ZNF791: variants seen among roughly 807,000 people sequenced by gnomAD.
ZNF791 encodes the protein zinc finger protein 791.
A neutral mutation model predicts 11.5 loss-of-function variants in ZNF791; 4 were observed. The observed-to-expected ratio is 0.35, with a 90% CI of 0.17 to 0.80. The LOEUF (loss-of-function observed/expected upper bound fraction) is 0.80, where lower values mean the gene tolerates loss of function less well. Among genes scored for constraint, ZNF791 ranks in the 30% least tolerant of loss-of-function variants. ZNF791 has a pLI of 0.53. For missense variants in ZNF791, 559 were observed against 699.4 expected (o/e 0.80, Z 2.26); for synonymous variants, 212 against 228.1 (o/e 0.93, Z 0.64).
chr19:12,619,442 ATCTT>A (rs1454202230), intron 1 of ZNF791, among the ~76,000 whole-genome samples: 3 of 130,640 alleles, frequency 2.3e-5, no homozygotes, highest in Non-Finnish European at 4.8e-5. Flanking sequence ...CACTAATGTT[ATCTT>A]TTTTTTTTTT....
chr19:12,614,243 AT>A (rs955217020), intron 1 of ZNF791, among the ~76,000 whole-genome samples: 1 of 151,292 alleles, frequency 6.6e-6, no homozygotes, highest in African/African-American at 2.4e-5. Flanking sequence ...CTTTATTTTT[AT>A]TTTTTTTGAG....
intron 3 of ZNF791, 22 bp from the exon 4 acceptor site, chr19:12,627,699 C>A: frequency 6.3e-7 from 1 of 1,574,954 alleles, no homozygotes; most frequent in Non-Finnish European, 8.7e-7. Flanking sequence ...ACCAGTATTA[C>A]CGTGCTTCTA....
Position 12,633,336 on chromosome 19 carries a change from G to T in ZNF791, c.*4076G>T, listed in dbSNP as rs576362545. ...GCTGGACGTGGCCCTCCTGCTACCT[G>T]TCGACACAGGTAAATTTCCTAGAAT... On this transcript the variant is annotated 3_prime_UTR_variant, in exon 4 of 4. Transcript: ENST00000343325. 1 of 152,194 alleles carries T rather than the reference G, an allele frequency of 6.6e-6. No homozygotes were observed. Among genetic ancestry groups the T allele is most frequent in the South Asian group, 2.1e-4 (1 of 4,824 alleles). 9.4% of individuals were successfully genotyped at this position (152,194 alleles called of 1,614,324 possible).
Position 12,629,404 on chromosome 19 carries a change from G to A in ZNF791, c.*144G>A. ...ATACAAGATGATTCATGTATAGTCAGGTACCACATAATCATGTTTCAGTCA... is the reference window on the plus strand; with the variant it reads ...ATACAAGATGATTCATGTATAGTCAAGTACCACATAATCATGTTTCAGTCA... On this transcript the variant is annotated 3_prime_UTR_variant, in exon 4 of 4. Transcript: ENST00000343325. 2 of 595,454 alleles carry A rather than the reference G, an allele frequency of 3.4e-6. No homozygotes were observed. The highest frequency in any genetic ancestry group is 3.9e-5 in the South Asian group (1 of 25,426). 36.9% of individuals were successfully genotyped at this position (595,454 alleles called of 1,614,324 possible). A position where few individuals can be genotyped will look rare whatever the true frequency, so the allele number is the denominator to read the frequency against.
chr19:12,620,754 C>CTTTTTTTTTTTTTTTTTTTT (rs1051381342), intron 1 of ZNF791, among the ~76,000 whole-genome samples: 3 of 83,446 alleles, frequency 3.6e-5, no homozygotes, highest in African/African-American at 1.6e-4. Context: ...GATTTATGTT[C>CTTTTTTTTTTTTTTTTTTTT]TTTTTTTTTT....
chr19:12,629,382 C>T lies in ZNF791; in HGVS notation c.*122C>T. 3 of 722,776 alleles carry T rather than the reference C, an allele frequency of 4.2e-6. No homozygotes were observed. In the South Asian group the frequency reaches 9.3e-5, roughly 22 times the overall value. 44.8% of individuals were successfully genotyped at this position (722,776 alleles called of 1,614,324 possible). ...TGTAAGTAATATAGAAAGCGAGATACAAGATGATTCATGTATAGTCAGGTA... is the reference window on the plus strand; with the variant it reads ...TGTAAGTAATATAGAAAGCGAGATATAAGATGATTCATGTATAGTCAGGTA... On this transcript the variant is annotated 3_prime_UTR_variant, in exon 4 of 4. Coordinates refer to ENST00000343325, the MANE Select transcript of ZNF791 (RefSeq NM_153358.3).
intron 1 of ZNF791, among the ~76,000 whole-genome samples, chr19:12,619,412 T>A (rs2023297907): frequency 6.6e-6 from 1 of 151,992 alleles, no homozygotes; most frequent in African/African-American, 2.4e-5. Flanking sequence ...TTGTACATGA[T>A]TGTTCTCTGT....
chr19:12,611,889 C>T (rs572331165), intron 1 of ZNF791, among the ~76,000 whole-genome samples: 4 of 152,228 alleles, frequency 2.6e-5, no homozygotes, highest in South Asian at 2.1e-4. Context: ...AAGATTTATT[C>T]ACTCGAATGT....
chr19:12,627,235 A>G (rs2023443660), intron 3 of ZNF791, among the ~76,000 whole-genome samples: 1 of 152,104 alleles, frequency 6.6e-6, no homozygotes, highest in South Asian at 2.1e-4. Context: ...TTTTGATAAT[A>G]GCTATCAGTG....
At chr19:12,621,821 G>C (rs1236977625) in intron 1 of ZNF791, among the ~76,000 whole-genome samples, 8 of 136,254 alleles carry the variant, frequency 5.9e-5, no homozygotes, top group African/African-American at 8.3e-5. Context: ...GGTGAGGGGC[G>C]CCTCTGCCCG....
rs2023509382 is a variant in ZNF791, at chr19:12,632,177, A to C, written c.*2917A>C. 1 of 151,794 alleles carries C rather than the reference A, an allele frequency of 6.6e-6. No homozygotes were observed. The highest frequency in any genetic ancestry group is 2.1e-4 in the South Asian group (1 of 4,818). 9.4% of individuals were successfully genotyped at this position (151,794 alleles called of 1,614,324 possible). On this transcript the variant is annotated 3_prime_UTR_variant, in exon 4 of 4. Coordinates refer to ENST00000343325, the MANE Select transcript of ZNF791 (RefSeq NM_153358.3). ...TGGGGTTTCACCGTGTTAAGCCAGG[A>C]TGGTCTCAATCTCCTGACCTCGTGA...
rs542547964 is a variant in ZNF791 at position 12,633,673 on chromosome 19, T to C, written c.*4413T>C. On this transcript the variant is annotated 3_prime_UTR_variant, in exon 4 of 4. Transcript: ENST00000343325. ...CTTCATGTGTGGCCCAAGCATCTATTTCAGACTGTCATGGTTGGCATTGTT... is the reference window on the plus strand; with the variant it reads ...CTTCATGTGTGGCCCAAGCATCTATCTCAGACTGTCATGGTTGGCATTGTT... 6.6e-6 allele frequency: 1 copy of C among 152,340 alleles called. No individual in the cohort carries two copies. The highest frequency in any genetic ancestry group is 2.1e-4 in the South Asian group (1 of 4,816). 9.4% of individuals were successfully genotyped at this position (152,340 alleles called of 1,614,324 possible).
At chr19:12,618,915 T>G (rs1001545035) in intron 1 of ZNF791, among the ~76,000 whole-genome samples, 7 of 150,874 alleles carry the variant, frequency 4.6e-5, no homozygotes, top group African/African-American at 1.7e-4. Flanking sequence ...TGGTGTGATC[T>G]CAGCTCACTG....
intron 3 of ZNF791, among the ~76,000 whole-genome samples, chr19:12,625,934 C>T (rs1045012849): frequency 3.3e-5 from 5 of 151,512 alleles, no homozygotes; most frequent in African/African-American, 7.3e-5. Context: ...AACCTCTAAC[C>T]CCTGGGTTCA....
intron 3 of ZNF791, 104 bp from the exon 4 acceptor site, chr19:12,627,617 A>T: frequency 9.5e-7 from 1 of 1,054,696 alleles, no homozygotes; most frequent in Admixed American, 2.4e-5. Flanking sequence ...CAAGAACAAG[A>T]CTCCGTCTCA....
rs1256591595 is a variant in ZNF791 at position 12,632,898 on chromosome 19, A to T, written c.*3638A>T. 1 of 152,100 alleles carries T rather than the reference A, an allele frequency of 6.6e-6. No homozygotes were observed. The highest frequency in any genetic ancestry group is 1.5e-5 in the Non-Finnish European group (1 of 68,018). The allele number at this position is 152,100 out of a possible 1,614,324, so 9.4% of individuals were successfully genotyped here. Reference sequence around the variant, plus strand: ...ATCACGAAGTCAGGAGATTGAGACCATCCTGGCTAATACAGTGAAACCCCG... The same window carrying T: ...ATCACGAAGTCAGGAGATTGAGACCTTCCTGGCTAATACAGTGAAACCCCG... On this transcript the variant is annotated 3_prime_UTR_variant, in exon 4 of 4. Coordinates refer to ENST00000343325, the MANE Select transcript of ZNF791 (RefSeq NM_153358.3).
intron 2 of ZNF791, 87 bp downstream of exon 2, chr19:12,623,913 T>C: frequency 8.8e-7 from 1 of 1,141,788 alleles, no homozygotes; most frequent in Middle Eastern, 3.2e-4. Flanking sequence ...TGGAGAGCAA[T>C]GGCACAATCT....
chr19:12,616,171 GACA>G, intron 1 of ZNF791, among the ~76,000 whole-genome samples: 1 of 152,172 alleles, frequency 6.6e-6, no homozygotes. Context: ...GCTCCTTAGT[GACA>G]TATAATTGAG....
Position 12,620,267 on chromosome 19 carries a change from G to A in ZNF791, c.4-3433G>A, listed in dbSNP as rs1238152284. Among the ~76,000 whole-genome samples the A allele has an allele frequency of 2.0e-5, 3 of 151,868 alleles. No individual in the cohort carries two copies. The East Asian group carries it at 5.8e-4, about 29-fold the overall frequency. ...TATGGCTCACTGCAGCCTTGACTTT[G>A]CAGGCTCAAGCAATCCTCCCACCTC... On this transcript the variant is annotated intron_variant, in intron 1 of 3. Transcript: ENST00000343325.
Sources: gnomAD v4.1 joint callset for allele counts (sites outside exome capture counted in the v4.1 genomes callset) on GRCh38, gnomAD v4.1.1 for gene constraint, MANE v1.5 for transcripts, NCBI Gene and HGNC (gene_info 2026-07-23, HGNC 2026-07-21) for gene names.